Variants in ANKRD30B observed in about 807,000 individuals in gnomAD.
ANKRD30B encodes ankyrin repeat domain-containing protein 30B.
In ANKRD30B, 144 loss-of-function variants were observed where a neutral mutation model predicts 202.2. That is an observed-to-expected ratio of 0.71 (90% CI 0.62 to 0.82). The LOEUF is 0.82. Ranked by LOEUF, ANKRD30B falls within the 40% of genes least tolerant of loss-of-function variation. The probability of loss-of-function intolerance (pLI) is 0.00; values close to 1 mark genes in which losing one functional copy is unlikely to be tolerated. For missense variants in ANKRD30B, 1,487 were observed against 1,669.1 expected (o/e 0.89, Z 1.90); for synonymous variants, 508 against 561.3 (o/e 0.91, Z 1.34).
Position 14,777,865 on chromosome 18 carries a change from C to T in ANKRD30B, c.1330-120C>T, listed in dbSNP as rs531081878. 1.6e-4 allele frequency: 105 copies of T among 672,156 alleles called. No homozygotes were observed. In the African/African-American group the frequency reaches 1.7e-3, roughly 11 times the overall value. The allele number at this position is 672,156 out of a possible 1,614,324, so 41.6% of individuals were successfully genotyped here. On this transcript the variant is annotated intron_variant, in intron 9 of 43. Transcript: ENST00000690538. ...GGCAGAAGGAGGAGAATCGCTTGAA[C>T]CTGGGAGACAGAGGTGGCAGTAGGC... is the stretch of plus-strand genomic sequence containing the variant.
At chr18:14,937,203 G>A in the ANKRD30B span, among the ~76,000 whole-genome samples, 1 of 152,186 alleles carries the variant, frequency 6.6e-6, no homozygotes, top group Admixed American at 6.5e-5. Context: ...TTGGTCATGA[G>A]TGTAAAGGAA....
chr18:14,821,507 G>T (rs1276534833), intron 30 of ANKRD30B, among the ~76,000 whole-genome samples: 1 of 152,100 alleles, frequency 6.6e-6, no homozygotes, highest in Non-Finnish European at 1.5e-5. Flanking sequence ...ATCCAGGCTG[G>T]AGCGCAGTGG....
chr18:14,922,839 G>C, the ANKRD30B span, among the ~76,000 whole-genome samples: 364 of 152,262 alleles, frequency 2.4e-3, 2 homozygotes, highest in African/African-American at 8.6e-3. Context: ...AGGCAGATCA[G>C]CTCACAGCAA....
At position 14,818,467 on chromosome 18, in the gene ANKRD30B, C is replaced by T. The variant is rs1346646604; in HGVS notation, c.2641+3756C>T. ...TGCTGGTGCGCTGCACCCACCAACTCGTCATCTACCATTAGGTATATCTCC... is the reference window on the plus strand; with the variant it reads ...TGCTGGTGCGCTGCACCCACCAACTTGTCATCTACCATTAGGTATATCTCC... On this transcript the variant is annotated intron_variant, in intron 30 of 43. Transcript: ENST00000690538. 7.3e-5 allele frequency among the ~76,000 whole-genome samples: 11 copies of T among 151,200 alleles called. No homozygotes were observed. The East Asian group carries it at 1.6e-3, about 22-fold the overall frequency.
rs1970532832 is a variant in ANKRD30B, at chr18:14,823,422, GT to G, written c.2743+747del. On this transcript the variant is annotated intron_variant, in intron 32 of 43. Transcript: ENST00000690538. Reference sequence around the variant, plus strand: ...TAAAGTTTCACTTGCTGACATGACAGTTGTGAGTGTTGTCACTCTGAGAATC... The same window carrying G: ...TAAAGTTTCACTTGCTGACATGACAGTGTGAGTGTTGTCACTCTGAGAATC... Among the ~76,000 whole-genome samples, 3 of 151,700 alleles carry G rather than the reference GT, an allele frequency of 2.0e-5. No homozygotes were observed. In the South Asian group the frequency reaches 6.3e-4, roughly 32 times the overall value.
chr18:14,798,046 T>A (rs1444442226), intron 20 of ANKRD30B, among the ~76,000 whole-genome samples, 192 bp downstream of exon 20: 2 of 152,128 alleles, frequency 1.3e-5, no homozygotes, highest in Non-Finnish European at 2.9e-5. Context: ...GATAAAAAAA[T>A]TCAGCTTTGC....
Position 14,803,715 on chromosome 18 carries a change from T to C in ANKRD30B, c.2194-19T>C, listed in dbSNP as rs757748900. ...GGGATTTCTCCATTGAAATTATTTA[T>C]TGATATTACTTTTAACAGAGTTTCC... On this transcript the variant is annotated intron_variant, in intron 23 of 43. Coordinates refer to ENST00000690538, the MANE Select transcript of ANKRD30B (RefSeq NM_001367607.2). The C allele has an allele frequency of 5.7e-6, 9 of 1,575,212 alleles. No homozygotes were observed. The highest frequency in any genetic ancestry group is 5.6e-5 in the African/African-American group (4 of 71,978).
chr18:14,825,829 A>G (rs1970636133), intron 32 of ANKRD30B, among the ~76,000 whole-genome samples: 2 of 152,194 alleles, frequency 1.3e-5, no homozygotes, highest in African/African-American at 4.8e-5. Context: ...AAATGCAGAA[A>G]AGAGGTACAG....
intron 24 of ANKRD30B, among the ~76,000 whole-genome samples, chr18:14,805,345 C>G (rs945444126): frequency 1.3e-5 from 2 of 150,840 alleles, no homozygotes; most frequent in African/African-American, 4.9e-5. Flanking sequence ...TCTGTTGAAA[C>G]TAAATTTATA....
chr18:14,788,845 C>A (rs1445589146), intron 15 of ANKRD30B, among the ~76,000 whole-genome samples: 1 of 152,072 alleles, frequency 6.6e-6, no homozygotes, highest in East Asian at 1.9e-4. Flanking sequence ...AATAGTGCCA[C>A]AATAAACATA....
At chr18:14,793,699 C>A (rs886492470) in intron 16 of ANKRD30B, among the ~76,000 whole-genome samples, 1 of 151,984 alleles carries the variant, frequency 6.6e-6, no homozygotes, top group Non-Finnish European at 1.5e-5. Flanking sequence ...TCCAGACCAT[C>A]CTGGCTAACA....
chr18:14,837,640 A>T lies in ANKRD30B; in HGVS notation c.2952A>T (p.Gly984=). The part of the protein sequence containing the change: ...QTNKMPTSEL[G]RKEDTKSTSD... The stretch of plus-strand genomic sequence containing the variant: ...ATAAGATGCCCACATCAGAATTAGG[A>T]AGAAAAGAAGATACAAAATCAACTT... The change falls in exon 36 of 44, where the codon GGA becomes GGT. Residue 984 remains glycine (G), a synonymous_variant. Coordinates refer to ENST00000690538, the MANE Select transcript of ANKRD30B (RefSeq NM_001367607.2). 1 of 1,536,222 alleles carries T rather than the reference A, an allele frequency of 6.5e-7. No individual in the cohort carries two copies.
At chr18:14,809,697 T>C (rs1263114586) in intron 26 of ANKRD30B, among the ~76,000 whole-genome samples, 1 of 151,052 alleles carries the variant, frequency 6.6e-6, no homozygotes, top group Admixed American at 6.6e-5. Flanking sequence ...CACGCGCTGT[T>C]GGCTCATTCT....
intron 1 of ANKRD30B, among the ~76,000 whole-genome samples, chr18:14,749,836 G>T (rs1208970804): frequency 2.0e-5 from 3 of 151,742 alleles, no homozygotes; most frequent in African/African-American, 7.3e-5. Context: ...TTGTGGAAAA[G>T]AATTAGTTTC....
Position 14,850,362 on chromosome 18 carries a change from G to A in ANKRD30B, c.3544G>A (p.Val1182Ile), listed in dbSNP as rs1304502451. 1 of 1,552,936 alleles carries A rather than the reference G, an allele frequency of 6.4e-7. No homozygotes were observed. Reference sequence around the variant, plus strand: ...AATACAAGATATAGAATTGAAAAGTGTAACAAGTAATTTGAATCAGGTAAA... The same window carrying A: ...AATACAAGATATAGAATTGAAAAGTATAACAAGTAATTTGAATCAGGTAAA... Reference protein sequence around the residue: ...LRIQDIELKSVTSNLNQVSHT... With the variant: ...LRIQDIELKSITSNLNQVSHT... Residue 1182 changes from valine (V) to isoleucine (I), a missense_variant, in exon 41 of 44, where the codon GTA becomes ATA. By Grantham distance (29) the Val-to-Ile change is conservative (BLOSUM62 3). Transcript: ENST00000690538.
At chr18:14,863,463 G>A in the ANKRD30B span, among the ~76,000 whole-genome samples, 1 of 151,900 alleles carries the variant, frequency 6.6e-6, no homozygotes, top group African/African-American at 2.4e-5. Context: ...TCTGTGATTG[G>A]ATGCTTTCTG....
the ANKRD30B span, among the ~76,000 whole-genome samples, chr18:14,884,455 G>A: frequency 6.6e-6 from 1 of 151,958 alleles, no homozygotes; most frequent in Non-Finnish European, 1.5e-5. Context: ...TTTGTTTCAA[G>A]CCATTAAGTT....
the ANKRD30B span, among the ~76,000 whole-genome samples, chr18:14,870,908 G>T: frequency 6.6e-6 from 1 of 152,034 alleles, no homozygotes; most frequent in South Asian, 2.1e-4. Context: ...CCATGTGACA[G>T]CTGCTGCCCC....
chr18:14,924,690 C>T, the ANKRD30B span, among the ~76,000 whole-genome samples: 1 of 152,240 alleles, frequency 6.6e-6, no homozygotes, highest in African/African-American at 2.4e-5. Context: ...GAGATCACAA[C>T]CAAACTGAAA....
Sources: gnomAD v4.1 joint callset for allele counts (sites outside exome capture counted in the v4.1 genomes callset) on GRCh38, gnomAD v4.1.1 for gene constraint, MANE v1.5 for transcripts, NCBI Gene and HGNC (gene_info 2026-07-23, HGNC 2026-07-21) for gene names.